The following FMN1 variants were observed in gnomAD, a reference collection of about 807,000 sequenced individuals.
FMN1 encodes the protein formin 1, also known as formin-1.
FMN1 carries 110 observed loss-of-function variants against 132.4 expected under a neutral mutation model. The observed-to-expected ratio is 0.83, with a 90% CI of 0.71 to 0.97. The LOEUF is 0.97. Among genes scored for constraint, FMN1 ranks in the 50% least tolerant of loss-of-function variants. FMN1 has a pLI of 0.00. For synonymous variants in FMN1, 722 were observed against 651.7 expected (o/e 1.11, Z -1.64); for missense variants, 1,792 against 1,705.3 (o/e 1.05, Z -0.90).
chr15:32,781,620 T>C (rs756010428), intron 19 of FMN1, among the ~76,000 whole-genome samples: 12 of 152,220 alleles, frequency 7.9e-5, no homozygotes, highest in Non-Finnish European at 1.6e-4. Context: ...CAAAATCTTA[T>C]GCTTTTGGAC....
At chr15:33,012,618 C>T (rs6494831) in intron 6 of FMN1, 136,501 of 985,442 alleles carry the variant, frequency 0.14, 10,560 homozygotes, top group African/African-American at 0.21. Flanking sequence ...AGAAATACCA[C>T]ACTGCAAATG....
intron 6 of FMN1, among the ~76,000 whole-genome samples, chr15:33,052,525 G>A (rs560037240): frequency 2.8e-4 from 42 of 152,118 alleles, no homozygotes; most frequent in Non-Finnish European, 5.4e-4. Flanking sequence ...CCAATTCTCT[G>A]ATGTCAACTG....
At chr15:33,081,614 T>C (rs745496137) in intron 5 of FMN1, among the ~76,000 whole-genome samples, 1 of 152,196 alleles carries the variant, frequency 6.6e-6, no homozygotes, top group Non-Finnish European at 1.5e-5. Flanking sequence ...ATTAAATGAA[T>C]GTCTTTTGTT....
At chr15:33,145,473 T>A (rs975324585) in intron 4 of FMN1, among the ~76,000 whole-genome samples, 5 of 151,858 alleles carry the variant, frequency 3.3e-5, no homozygotes, top group Non-Finnish European at 5.9e-5. Flanking sequence ...GTAACATTAC[T>A]CTTTAAATTT....
At chr15:32,925,969 G>C (rs1389041685) in intron 10 of FMN1, among the ~76,000 whole-genome samples, 1 of 152,078 alleles carries the variant, frequency 6.6e-6, no homozygotes, top group Non-Finnish European at 1.5e-5. Context: ...GACTTATAAA[G>C]CATCTGAAAT....
At chr15:32,871,485 C>T (rs1420092885) in intron 16 of FMN1, among the ~76,000 whole-genome samples, 1 of 152,138 alleles carries the variant, frequency 6.6e-6, no homozygotes, top group Non-Finnish European at 1.5e-5. Context: ...GTAGGCATGC[C>T]ATAGCTCACT....
chr15:32,979,758 T>A (rs1213413616), intron 7 of FMN1, among the ~76,000 whole-genome samples: 3 of 151,722 alleles, frequency 2.0e-5, no homozygotes, highest in Non-Finnish European at 2.9e-5. Flanking sequence ...GGACCTACCA[T>A]CAAATGCATT....
intron 6 of FMN1, among the ~76,000 whole-genome samples, chr15:33,054,562 G>C (rs1471519454): frequency 1.3e-5 from 2 of 152,158 alleles, no homozygotes; most frequent in African/African-American, 4.8e-5. Flanking sequence ...TTCATACTGA[G>C]AAGCAAGAGC....
intron 6 of FMN1, among the ~76,000 whole-genome samples, chr15:33,026,413 C>A (rs1056224811): frequency 8.3e-5 from 12 of 143,912 alleles, no homozygotes; most frequent in Non-Finnish European, 1.5e-4. Flanking sequence ...CAAATTTTCA[C>A]ACACACACAC....
chr15:32,817,333 G>A (rs1029119891), intron 17 of FMN1, among the ~76,000 whole-genome samples: 1 of 152,204 alleles, frequency 6.6e-6, no homozygotes, highest in Non-Finnish European at 1.5e-5. Flanking sequence ...CATGGCCACA[G>A]AACCCGACAA....
intron 3 of FMN1, among the ~76,000 whole-genome samples, chr15:33,167,327 G>C (rs540348927): frequency 1.3e-5 from 2 of 152,226 alleles, no homozygotes; most frequent in Non-Finnish European, 2.9e-5. Context: ...TACCATGTAA[G>C]ATGTGCCTTT....
chr15:32,928,311 T>C (rs769821866), intron 9 of FMN1, among the ~76,000 whole-genome samples: 1 of 151,592 alleles, frequency 6.6e-6, no homozygotes, highest in Non-Finnish European at 1.5e-5. Context: ...TAATTTTTTA[T>C]ATGAAAGGAA....
chr15:32,915,215 C>T (rs183720784), intron 10 of FMN1, among the ~76,000 whole-genome samples: 42 of 152,268 alleles, frequency 2.8e-4, no homozygotes, highest in Non-Finnish European at 5.1e-4. Flanking sequence ...CTTACATGTA[C>T]ATAATCCCAT....
chr15:32,775,574 T>C (rs1037435956), intron 20 of FMN1, among the ~76,000 whole-genome samples: 2 of 152,138 alleles, frequency 1.3e-5, no homozygotes, highest in African/African-American at 4.8e-5. Context: ...GTCATACAAA[T>C]GAATGTCATA....
intron 16 of FMN1, among the ~76,000 whole-genome samples, chr15:32,869,114 G>A (rs1300727787): frequency 6.6e-6 from 1 of 152,192 alleles, no homozygotes; most frequent in Non-Finnish European, 1.5e-5. Flanking sequence ...ATGAATAAAA[G>A]TAATACATGA....
At chr15:32,818,614 A>T (rs1006300677) in intron 17 of FMN1, among the ~76,000 whole-genome samples, 11 of 152,230 alleles carry the variant, frequency 7.2e-5, no homozygotes, top group African/African-American at 2.4e-4. Context: ...ACTGCAAAGT[A>T]AGTTGAGATT....
chr15:32,848,982 T>TTTTG (rs1555472049), intron 17 of FMN1, among the ~76,000 whole-genome samples: 9 of 114,564 alleles, frequency 7.9e-5, no homozygotes, highest in South Asian at 5.7e-4. Context: ...CTTTTGTTTT[T>TTTTG]TTTTTTTTTT....
At chr15:33,082,685 T>C (rs1435603138) in intron 5 of FMN1, among the ~76,000 whole-genome samples, 1 of 152,128 alleles carries the variant, frequency 6.6e-6, no homozygotes, top group African/African-American at 2.4e-5. Flanking sequence ...TAGCTCCTAG[T>C]TCAGTGGAAC....
At chr15:33,017,936 G>A (rs535477885) in intron 6 of FMN1, among the ~76,000 whole-genome samples, 61 of 152,130 alleles carry the variant, frequency 4.0e-4, no homozygotes, top group African/African-American at 1.3e-3. Flanking sequence ...GTGGTGGCTC[G>A]CACCTGTAAT....
Sources: gnomAD v4.1 joint callset for allele counts (sites outside exome capture counted in the v4.1 genomes callset) on GRCh38, gnomAD v4.1.1 for gene constraint, MANE v1.5 for transcripts, NCBI Gene and HGNC (gene_info 2026-07-23, HGNC 2026-07-21) for gene names.